Variants in LRMDA observed in about 807,000 individuals in gnomAD.
LRMDA encodes leucine rich melanocyte differentiation associated.
Under a neutral mutation model 29.8 loss-of-function variants are expected in LRMDA, and 18 were observed. That is an observed-to-expected ratio of 0.60 (90% CI 0.42 to 0.90). LRMDA has a LOEUF of 0.90. LRMDA is among the 40% of genes least tolerant of loss of function. LRMDA has a pLI of 0.00. For missense variants in LRMDA, 273 were observed against 273.9 expected (o/e 1.00, Z 0.02); for synonymous variants, 125 against 109.4 (o/e 1.14, Z -0.89).
At chr10:75,596,641 A>T (rs1840793069) in intron 2 of LRMDA, among the ~76,000 whole-genome samples, 1 of 152,182 alleles carries the variant, frequency 6.6e-6, no homozygotes, top group Non-Finnish European at 1.5e-5. Flanking sequence ...GCTCAGGGTA[A>T]TTAGCATATC....
At chr10:75,595,226 T>C (rs764550065) in intron 2 of LRMDA, among the ~76,000 whole-genome samples, 2 of 152,190 alleles carry the variant, frequency 1.3e-5, no homozygotes, top group Non-Finnish European at 2.9e-5. Flanking sequence ...ATACAAATAA[T>C]TACAAAATGA....
intron 2 of LRMDA, among the ~76,000 whole-genome samples, chr10:75,708,129 T>G (rs1842391716): frequency 6.6e-6 from 1 of 152,152 alleles, no homozygotes; most frequent in Non-Finnish European, 1.5e-5. Flanking sequence ...ACAGGGATTA[T>G]TATTTATTTG....
intron 2 of LRMDA, among the ~76,000 whole-genome samples, chr10:75,590,617 A>T (rs1027161440): frequency 1.3e-5 from 2 of 152,102 alleles, no homozygotes; most frequent in Non-Finnish European, 2.9e-5. Flanking sequence ...TTGATAACAA[A>T]TGCCTTGGAA....
At chr10:75,749,250 C>T (rs865904684) in intron 2 of LRMDA, among the ~76,000 whole-genome samples, 1 of 152,112 alleles carries the variant, frequency 6.6e-6, no homozygotes. Context: ...GTATGTAATA[C>T]ATATAACATA....
At chr10:76,510,228 G>A (rs185272613) in intron 6 of LRMDA, among the ~76,000 whole-genome samples, 2 of 151,980 alleles carry the variant, frequency 1.3e-5, no homozygotes, top group South Asian at 2.1e-4. Flanking sequence ...GTGCCACCAC[G>A]CTTGGCTAAT....
At chr10:76,423,131 A>G (rs1322113209) in intron 6 of LRMDA, among the ~76,000 whole-genome samples, 1 of 152,252 alleles carries the variant, frequency 6.6e-6, no homozygotes, top group African/African-American at 2.4e-5. Context: ...GTAGTGGCAC[A>G]TGCCTGTAAT....
chr10:76,337,938 G>A (rs1840989342), intron 6 of LRMDA, among the ~76,000 whole-genome samples: 1 of 152,092 alleles, frequency 6.6e-6, no homozygotes, highest in Admixed American at 6.5e-5. Context: ...GCTTATGTAG[G>A]AATCCAAAGT....
At chr10:75,563,138 T>G (rs1840321718) in intron 2 of LRMDA, among the ~76,000 whole-genome samples, 1 of 152,144 alleles carries the variant, frequency 6.6e-6, no homozygotes, top group African/African-American at 2.4e-5. Context: ...CCAACTTGGT[T>G]CCATTCTCCC....
At chr10:76,170,685 A>AT (rs1413665346) in intron 5 of LRMDA, among the ~76,000 whole-genome samples, 2 of 152,222 alleles carry the variant, frequency 1.3e-5, no homozygotes, top group Non-Finnish European at 2.9e-5. Flanking sequence ...AAAGGAAACT[A>AT]TATCTCTAGA....
At chr10:76,468,991 C>T (rs1842591907) in intron 6 of LRMDA, among the ~76,000 whole-genome samples, 1 of 152,272 alleles carries the variant, frequency 6.6e-6, no homozygotes, top group Admixed American at 6.5e-5. Flanking sequence ...GCAAATGTAA[C>T]TGGTGAAGAT....
At chr10:76,349,851 G>T (rs1298848825) in intron 6 of LRMDA, among the ~76,000 whole-genome samples, 2 of 151,908 alleles carry the variant, frequency 1.3e-5, no homozygotes, top group African/African-American at 4.8e-5. Context: ...TCACTCCTGG[G>T]ACTCTACCAC....
intron 6 of LRMDA, among the ~76,000 whole-genome samples, chr10:76,512,355 T>C (rs935552880): frequency 6.6e-5 from 10 of 152,164 alleles, no homozygotes; most frequent in Non-Finnish European, 1.3e-4. Context: ...ATGAAGAAAG[T>C]ATAGTACTAG....
chr10:75,737,519 G>A (rs1310140822), intron 2 of LRMDA, among the ~76,000 whole-genome samples: 1 of 152,158 alleles, frequency 6.6e-6, no homozygotes, highest in Non-Finnish European at 1.5e-5. Context: ...GTTGAGCAAG[G>A]CCTTTGTTGT....
chr10:75,944,410 G>A (rs1846443895), intron 2 of LRMDA, among the ~76,000 whole-genome samples: 1 of 151,982 alleles, frequency 6.6e-6, no homozygotes, highest in African/African-American at 2.4e-5. Context: ...ATGGATTTCT[G>A]TAAGTTTCTT....
chr10:76,228,196 A>G (rs1239700320), intron 5 of LRMDA, among the ~76,000 whole-genome samples: 1 of 151,748 alleles, frequency 6.6e-6, no homozygotes, highest in Non-Finnish European at 1.5e-5. Context: ...TAATTTTTAT[A>G]TTTTTAGTAG....
At chr10:76,254,357 T>C (rs1852547563) in intron 5 of LRMDA, among the ~76,000 whole-genome samples, 1 of 146,794 alleles carries the variant, frequency 6.8e-6, no homozygotes, top group African/African-American at 2.5e-5. Context: ...TCCTATCCTA[T>C]CCTATGCTAT....
chr10:76,401,949 G>A (rs1433692700), intron 6 of LRMDA, among the ~76,000 whole-genome samples: 2 of 152,086 alleles, frequency 1.3e-5, no homozygotes, highest in Non-Finnish European at 2.9e-5. Context: ...TGGCAGCAGA[G>A]GTGGGGTCGG....
chr10:75,981,117 A>G (rs1011459043), intron 2 of LRMDA, among the ~76,000 whole-genome samples: 2 of 152,164 alleles, frequency 1.3e-5, no homozygotes, highest in Non-Finnish European at 1.5e-5. Context: ...TCACTTTTAC[A>G]TTCTTAACTT....
chr10:75,949,789 A>T (rs1369124397), intron 2 of LRMDA, among the ~76,000 whole-genome samples: 1 of 152,130 alleles, frequency 6.6e-6, no homozygotes, highest in East Asian at 1.9e-4. Context: ...GCAACCTTCT[A>T]TCTGCAGGTA....
Sources: allele counts gnomAD v4.1 joint callset (sites outside exome capture counted in the v4.1 genomes callset), GRCh38; gene constraint gnomAD v4.1.1; transcripts MANE v1.5; gene names NCBI Gene and HGNC (gene_info 2026-07-23, HGNC 2026-07-21).